Variants in NAV3 observed in about 807,000 individuals in gnomAD.
NAV3 encodes neuron navigator 3.
Under a neutral mutation model 244.7 loss-of-function variants are expected in NAV3, and 87 were observed. The observed-to-expected ratio is 0.36, with a 90% CI of 0.30 to 0.42. NAV3 has a LOEUF of 0.42. Ranked by LOEUF, NAV3 falls within the 20% of genes least tolerant of loss-of-function variation. NAV3 has a pLI of 1.00. For synonymous variants in NAV3, 1,126 were observed against 1,042.2 expected (o/e 1.08, Z -1.55); for missense variants, 2,663 against 2,893.3 (o/e 0.92, Z 1.83).
At chr12:78,208,172 G>C (rs1960523044) in intron 39 of NAV3, among the ~76,000 whole-genome samples, 1 of 152,140 alleles carries the variant, frequency 6.6e-6, no homozygotes, top group Middle Eastern at 3.2e-3. Flanking sequence ...AAGTGGAAGA[G>C]GAGTGGGAGT....
At chr12:78,132,409 C>T in intron 18 of NAV3, among the ~76,000 whole-genome samples, 1 of 152,118 alleles carries the variant, frequency 6.6e-6, no homozygotes, top group East Asian at 1.9e-4. Context: ...TGGTTTATAT[C>T]AGAGATCTCT....
At chr12:77,645,536 T>TAAAAAAA (rs756805711) in intron 2 of NAV3, among the ~76,000 whole-genome samples, 6 of 63,028 alleles carry the variant, frequency 9.5e-5, no homozygotes, top group African/African-American at 3.6e-4. Flanking sequence ...TCTCTCTCTC[T>TAAAAAAA]AAAAAAAAAA....
intron 4 of NAV3, 52 bp from the exon 5 acceptor site, chr12:77,968,467 A>G: frequency 7.1e-7 from 1 of 1,408,396 alleles, no homozygotes; most frequent in Non-Finnish European, 1.0e-6. Flanking sequence ...AATTTGTTAA[A>G]AAGGACATTA....
chr12:78,067,728 A>G (rs1016605895), intron 12 of NAV3, among the ~76,000 whole-genome samples: 3 of 152,060 alleles, frequency 2.0e-5, no homozygotes, highest in South Asian at 2.1e-4. Flanking sequence ...CTTCAACACT[A>G]CAACTGGCCC....
chr12:78,175,946 A>G (rs1388774250), intron 25 of NAV3, among the ~76,000 whole-genome samples: 1 of 150,704 alleles, frequency 6.6e-6, no homozygotes. Flanking sequence ...ATGGGAGTTA[A>G]TAAAGGGAAA....
chr12:78,133,029 A>G (rs1307752176), intron 18 of NAV3, among the ~76,000 whole-genome samples: 1 of 152,150 alleles, frequency 6.6e-6, no homozygotes, highest in African/African-American at 2.4e-5. Context: ...TTTCAGGGAC[A>G]TTGTCCTTGC....
At chr12:77,994,931 T>C (rs1872103402) in intron 6 of NAV3, 60 bp downstream of exon 6, 3 of 1,230,916 alleles carry the variant, frequency 2.4e-6, no homozygotes, top group Admixed American at 2.1e-5. Context: ...TACCCAGTGA[T>C]ATTTTGTCCT....
intron 2 of NAV3, among the ~76,000 whole-genome samples, chr12:77,643,037 T>C (rs1872482246): frequency 6.6e-6 from 1 of 152,054 alleles, no homozygotes; most frequent in Non-Finnish European, 1.5e-5. Context: ...CACTTTTTTC[T>C]CTTCTTTCAT....
chr12:77,881,776 C>T (rs1280151680), intron 1 of NAV3, among the ~76,000 whole-genome samples: 1 of 152,010 alleles, frequency 6.6e-6, no homozygotes, highest in South Asian at 2.1e-4. Context: ...TTCTATACAC[C>T]AATAGCATCC....
At position 77,579,304 on chromosome 12, in the gene NAV3, A is replaced by G. The variant is rs576739972; in HGVS notation, c.72+7038A>G. On this transcript the variant is annotated intron_variant, in intron 2 of 8. Transcript: ENST00000550042. The stretch of plus-strand genomic sequence containing the variant: ...AACCCTGTTAGTTGAGCTTATCACA[A>G]ATGAGCAATACATTGAAAAGAAGTG... Among the ~76,000 whole-genome samples the G allele has an allele frequency of 8.2e-4, 125 of 152,336 alleles. 1 individual carries two copies. Among genetic ancestry groups the G allele is most frequent in the Middle Eastern group, 3.4e-3 (1 of 294 alleles).
chr12:77,936,560 T>C (rs1889345807), intron 1 of NAV3, among the ~76,000 whole-genome samples: 1 of 152,148 alleles, frequency 6.6e-6, no homozygotes, highest in African/African-American at 2.4e-5. Flanking sequence ...ACCAATTTCT[T>C]CACTAAAAAA....
intron 2 of NAV3, among the ~76,000 whole-genome samples, chr12:77,630,231 T>G (rs77820853): frequency 1.3e-5 from 2 of 151,948 alleles, no homozygotes; most frequent in Non-Finnish European, 2.9e-5. Flanking sequence ...ATTCCTCTCG[T>G]TGGTGGTGAG....
At chr12:77,983,727 G>GT (rs1289701936) in intron 5 of NAV3, among the ~76,000 whole-genome samples, 1 of 152,194 alleles carries the variant, frequency 6.6e-6, no homozygotes, top group African/African-American at 2.4e-5. Flanking sequence ...TACAGGTGAA[G>GT]TGAGGAAACA....
chr12:77,784,660 A>G (rs1387589054), intron 2 of NAV3, among the ~76,000 whole-genome samples: 1 of 152,180 alleles, frequency 6.6e-6, no homozygotes, highest in Non-Finnish European at 1.5e-5. Flanking sequence ...TGACTGGAGG[A>G]TCAGATTATA....
chr12:78,172,601 G>A (rs753580300), intron 24 of NAV3, among the ~76,000 whole-genome samples: 1 of 151,532 alleles, frequency 6.6e-6, no homozygotes, highest in Non-Finnish European at 1.5e-5. Flanking sequence ...ACATAGGGAA[G>A]ATTATTCCAA....
chr12:77,883,410 T>C (rs992184176), intron 1 of NAV3, among the ~76,000 whole-genome samples: 2 of 151,926 alleles, frequency 1.3e-5, no homozygotes, highest in African/African-American at 4.8e-5. Flanking sequence ...GAGATAACCA[T>C]GGGAACAATA....
At chr12:77,747,527 T>C (rs1225525201) in intron 2 of NAV3, among the ~76,000 whole-genome samples, 2 of 152,188 alleles carry the variant, frequency 1.3e-5, no homozygotes, top group Non-Finnish European at 2.9e-5. Context: ...GCCATCCCAT[T>C]ACTGGGTATA....
chr12:77,757,234 G>A (rs1297470594), intron 2 of NAV3, among the ~76,000 whole-genome samples: 1 of 152,146 alleles, frequency 6.6e-6, no homozygotes, highest in Non-Finnish European at 1.5e-5. Flanking sequence ...GGAGGCACAT[G>A]TTTCATGTCT....
intron 2 of NAV3, among the ~76,000 whole-genome samples, chr12:77,695,720 T>C (rs554551848): frequency 1.3e-5 from 2 of 152,240 alleles, no homozygotes; most frequent in South Asian, 2.1e-4. Flanking sequence ...TTGCAAGATG[T>C]TGAAGGGAAG....
Sources: gnomAD v4.1 joint callset for allele counts (sites outside exome capture counted in the v4.1 genomes callset) on GRCh38, gnomAD v4.1.1 for gene constraint, MANE v1.5 for transcripts, NCBI Gene and HGNC (gene_info 2026-07-23, HGNC 2026-07-21) for gene names.